SPEG: variants seen among roughly 807,000 people sequenced by gnomAD.
SPEG encodes striated muscle enriched protein kinase.
A neutral mutation model predicts 300.4 loss-of-function variants in SPEG; 114 were observed. That is an observed-to-expected ratio of 0.38 (90% CI 0.33 to 0.44). The LOEUF is 0.44. SPEG is among the 20% of genes least tolerant of loss of function. The probability of loss-of-function intolerance (pLI) is 1.00; values close to 1 mark genes in which losing one functional copy is unlikely to be tolerated. For missense variants in SPEG, 4,201 were observed against 4,586.2 expected, an observed-to-expected ratio of 0.92 and a Z score of 2.43; for synonymous variants, 1,964 against 2,018.9, an observed-to-expected ratio of 0.97 and a Z score of 0.73.
Position 219,467,277 on chromosome 2 carries a change from T to G in SPEG, c.2985T>G (p.Thr995=), listed in dbSNP as rs1009978348. 4.3e-6 allele frequency: 7 copies of G among 1,609,248 alleles called. No homozygotes were observed. The highest frequency in any genetic ancestry group is 1.3e-5 in the African/African-American group (1 of 75,054). ...ALFECLVAGP[T]DVEVDWLCRG... ...TTGAGTGCCTGGTGGCGGGGCCCAC[T>G]GACGTGGAGGTGGATTGGCTGTGCC... Residue 995 remains threonine, a synonymous_variant, in exon 10 of 41, where the codon ACT becomes ACG. Transcript: ENST00000312358.
chr2:219,438,936 C>G (rs1222955971), intron 1 of SPEG, among the ~76,000 whole-genome samples: 4 of 152,124 alleles, frequency 2.6e-5, no homozygotes, highest in Non-Finnish European at 5.9e-5. Flanking sequence ...TCTTTTTCAC[C>G]TGGAATTTAG....
chr2:219,482,990 C>A, intron 29 of SPEG, 108 bp from the exon 30 acceptor site: 1 of 1,435,698 alleles, frequency 7.0e-7, no homozygotes, highest in Non-Finnish European at 9.6e-7. Flanking sequence ...CTGCCTGTTC[C>A]CTGACCCTCT....
In SPEG at chr2:219,448,315, C is replaced by T; in HGVS notation, c.1157C>T (p.Ala386Val). The change falls in exon 4 of 41, where the codon GCG becomes GTG. Residue 386 changes from alanine (A) to valine (V), a missense_variant. By Grantham distance (64) the Ala-to-Val change is moderately conservative. This residue lies in a region of SPEG where 1,258 missense variants were observed against 1,293.9 expected (regional missense o/e 0.97). Coordinates refer to ENST00000312358, the MANE Select transcript of SPEG (RefSeq NM_005876.5). The part of the protein sequence containing the change: ...PLSEASGRLS[A>V]LGRSPRLVRA... ...AGCGAGGCCTCAGGCCGCCTGTCGGCGTTGGGCCGATCGCCTAGGCTGGTG... is the reference window on the plus strand; with the variant it reads ...AGCGAGGCCTCAGGCCGCCTGTCGGTGTTGGGCCGATCGCCTAGGCTGGTG... 1 of 1,606,198 alleles carries T rather than the reference C, an allele frequency of 6.2e-7. No individual in the cohort carries two copies. Among genetic ancestry groups the T allele is most frequent in the Non-Finnish European group, 8.5e-7 (1 of 1,177,298 alleles).
intron 9 of SPEG, chr2:219,465,861 G>C (rs943621744): frequency 6.5e-6 from 4 of 616,292 alleles, no homozygotes; most frequent in Admixed American, 2.5e-5. Context: ...GTGTGTGCAT[G>C]TGTGTGCGTG....
chr2:219,458,898 A>G lies in SPEG; in HGVS notation c.2441-2984A>G, dbSNP rs1463691689. Among the ~76,000 whole-genome samples the G allele has an allele frequency of 1.3e-5, 2 of 152,228 alleles. No homozygotes were observed. The highest frequency in any genetic ancestry group is 2.9e-5 in the Non-Finnish European group (2 of 68,038). On this transcript the variant is annotated intron_variant, in intron 6 of 40. Transcript: ENST00000312358. The surrounding 1 kb of genome is among the most constrained non-coding windows in gnomAD (Gnocchi z 4.2). ...AGGTGGTCCTGATGTGAGTAGGTCA[A>G]GTAACATTCTGAGAAGCCCTGAAGC...
Position 219,467,242 on chromosome 2 carries a change from A to T in SPEG, c.2950A>T (p.Met984Leu). Reference protein sequence around the residue: ...LQDVDVGAGEMALFECLVAGP... With the variant: ...LQDVDVGAGELALFECLVAGP... Reference sequence around the variant, plus strand: ...GGACGTGGACGTGGGGGCCGGGGAGATGGCGCTGTTTGAGTGCCTGGTGGC... The same window carrying T: ...GGACGTGGACGTGGGGGCCGGGGAGTTGGCGCTGTTTGAGTGCCTGGTGGC... The change falls in exon 10 of 41, where the codon ATG becomes TTG. Residue 984 changes from methionine (M) to leucine (L), a missense_variant. Transcript: ENST00000312358. 1 of 1,605,828 alleles carries T rather than the reference A, an allele frequency of 6.2e-7. No homozygotes were observed. Among genetic ancestry groups the T allele is most frequent in the East Asian group, 2.2e-5 (1 of 44,794 alleles).
intron 6 of SPEG, among the ~76,000 whole-genome samples, chr2:219,457,760 T>G (rs576753745): frequency 6.6e-6 from 1 of 152,170 alleles, no homozygotes; most frequent in Admixed American, 6.5e-5. Context: ...CAGTGGATGC[T>G]CCACTCCTTA....
At chr2:219,457,323 C>T (rs1445834163) in intron 6 of SPEG, among the ~76,000 whole-genome samples, 4 of 152,214 alleles carry the variant, frequency 2.6e-5, no homozygotes, top group Non-Finnish European at 5.9e-5. Context: ...TGGCTCACAC[C>T]TGTAATCCTA....
rs1225956772 is a variant in SPEG at position 219,488,568 on chromosome 2, C to T, written c.7929C>T (p.Ser2643=). ...VSCKDGRQLL[S]IPRAGKRHAG... Reference sequence around the variant, plus strand: ...GCAAAGATGGGCGGCAGCTGCTCAGCATCCCCCGGGCGGGCAAGCGGCACG... The same window carrying T: ...GCAAAGATGGGCGGCAGCTGCTCAGTATCCCCCGGGCGGGCAAGCGGCACG... Residue 2643 remains serine (S), a synonymous_variant, in exon 33 of 41, where the codon AGC becomes AGT. Coordinates refer to ENST00000312358, the MANE Select transcript of SPEG (RefSeq NM_005876.5). The T allele has an allele frequency of 4.3e-6, 7 of 1,611,652 alleles. No individual in the cohort carries two copies. Among genetic ancestry groups the T allele is most frequent in the Middle Eastern group, 1.6e-4 (1 of 6,078 alleles).
In SPEG at chr2:219,489,463, G is replaced by A. The variant is rs766138870; in HGVS notation, c.8445G>A (p.Pro2815=). 8.2e-5 allele frequency: 67 copies of A among 818,018 alleles called. No individual in the cohort carries two copies. Among genetic ancestry groups the A allele is most frequent in the Non-Finnish European group, 1.0e-4 (62 of 595,880 alleles). 50.7% of individuals were successfully genotyped at this position (818,018 alleles called of 1,614,324 possible). ...PPLAPAAPTP[P]SVTVSPSSPP... ...TAGCTCCTGCTGCCCCCACACCCCC[G>A]TCAGTCACTGTCAGCCCCTCATCTC... The change falls in exon 36 of 41, where the codon CCG becomes CCA. Residue 2815 remains proline, a synonymous_variant. Transcript: ENST00000312358.
chr2:219,469,486 A>AC (rs1267072638), intron 13 of SPEG, 107 bp downstream of exon 13: 2 of 931,152 alleles, frequency 2.1e-6, no homozygotes, highest in African/African-American at 3.3e-5. Context: ...CTGTAGCCTG[A>AC]CCAGGGACAG....
rs1449346246 is a variant in SPEG, at chr2:219,479,251, C to T, written c.5085+50C>T. The stretch of plus-strand genomic sequence containing the variant: ...CAGGTTGGGCACCAGCCTTCACCCA[C>T]CTGAGCTTTGAGAACCAACAAATGG... On this transcript the variant is annotated intron_variant, in intron 23 of 40. Transcript: ENST00000312358. This position sits in a 1 kb window ranked among gnomAD's most constrained non-coding sequence, Gnocchi z 5.5. 3 of 1,542,160 alleles carry T rather than the reference C, an allele frequency of 1.9e-6. No homozygotes were observed. The highest frequency in any genetic ancestry group is 1.8e-6 in the Non-Finnish European group (2 of 1,118,388).
intron 31 of SPEG, among the ~76,000 whole-genome samples, chr2:219,487,527 GC>G (rs2083836218): frequency 1.3e-5 from 2 of 152,176 alleles, no homozygotes; most frequent in African/African-American, 4.8e-5. Flanking sequence ...TAAATGACTT[GC>G]CCAAGGTCAG....
chr2:219,474,051 A>G, intron 18 of SPEG, 148 bp downstream of exon 18: 1 of 720,910 alleles, frequency 1.4e-6, no homozygotes, highest in Non-Finnish European at 2.2e-6. Flanking sequence ...CTATACAAAT[A>G]CCATATTAGT....
At chr2:219,470,944 GTACT>G (rs113736052) in intron 13 of SPEG, among the ~76,000 whole-genome samples, 1 of 95,848 alleles carries the variant, frequency 1.0e-5, no homozygotes, top group South Asian at 4.3e-4. Flanking sequence ...AATGTATTTG[GTACT>G]TACTGTGTGT....
rs1689115212 is a variant in SPEG at position 219,444,169 on chromosome 2, G to A, written c.389-484G>A. 2.5e-6 allele frequency: 2 copies of A among 813,076 alleles called. No homozygotes were observed. The highest frequency in any genetic ancestry group is 2.8e-5 in the South Asian group (2 of 71,426). The allele number at this position is 813,076 out of a possible 1,614,324, so 50.4% of individuals were successfully genotyped here. On this transcript the variant is annotated intron_variant, in intron 1 of 40. Coordinates refer to ENST00000312358, the MANE Select transcript of SPEG (RefSeq NM_005876.5). This position sits in a 1 kb window ranked among gnomAD's most constrained non-coding sequence, Gnocchi z 7.8. ...ACCCGATGCCTTGCAGCTGGTTTGG[G>A]GTAGAGGACAGGCTGGCCCCGCGGT...
chr2:219,471,733 C>G (rs1691891274), intron 13 of SPEG, 135 bp from the exon 14 acceptor site: 5 of 1,097,992 alleles, frequency 4.6e-6, no homozygotes. Context: ...CCTGCCCCAT[C>G]CTTGCCCCAT....
At chr2:219,467,892 A>G (rs193064760) in intron 10 of SPEG, among the ~76,000 whole-genome samples, 53 of 152,358 alleles carry the variant, frequency 3.5e-4, no homozygotes, top group African/African-American at 1.1e-3. Context: ...GGCACTGAGC[A>G]TTCCAGAAAT....
intron 9 of SPEG, chr2:219,465,909 A>C: frequency 1.5e-6 from 1 of 679,806 alleles, no homozygotes; most frequent in Non-Finnish European, 2.5e-6. Context: ...GGGTGTGTGC[A>C]TGCGTGTGTG....
Sources: allele counts gnomAD v4.1 joint callset (sites outside exome capture counted in the v4.1 genomes callset), GRCh38; gene constraint gnomAD v4.1.1; regional missense constraint gnomAD v4.1.1; non-coding constraint Gnocchi (gnomAD v3.1); transcripts MANE v1.5; gene names NCBI Gene and HGNC (gene_info 2026-07-23, HGNC 2026-07-21).